CDK14: variants seen among roughly 807,000 people sequenced by gnomAD.
CDK14 encodes cyclin dependent kinase 14.
Under a neutral mutation model 60.7 loss-of-function variants are expected in CDK14, and 34 were observed. The ratio of observed to expected loss-of-function variants is 0.56; its 90% CI spans 0.43 to 0.75. The LOEUF (loss-of-function observed/expected upper bound fraction) is 0.75, where lower values mean the gene tolerates loss of function less well. Ranked by LOEUF, CDK14 falls within the 30% of genes least tolerant of loss-of-function variation. The pLI is 0.00. For synonymous variants in CDK14, 197 were observed against 203.7 expected (o/e 0.97, Z 0.28); for missense variants, 482 against 564.1 (o/e 0.85, Z 1.47).
chr7:90,889,088 GTTTA>G (rs1446378204), intron 6 of CDK14, among the ~76,000 whole-genome samples: 1 of 152,054 alleles, frequency 6.6e-6, no homozygotes, highest in Non-Finnish European at 1.5e-5. Context: ...TATACACTGA[GTTTA>G]TTTAGTTTAC....
chr7:91,020,510 G>T (rs1304594161), intron 10 of CDK14, among the ~76,000 whole-genome samples: 1 of 152,214 alleles, frequency 6.6e-6, no homozygotes, highest in East Asian at 1.9e-4. Flanking sequence ...ATGCATGCAT[G>T]AGTATATAAT....
intron 5 of CDK14, among the ~76,000 whole-genome samples, chr7:90,816,585 C>A (rs1353258770): frequency 6.6e-6 from 1 of 152,130 alleles, no homozygotes; most frequent in East Asian, 1.9e-4. Flanking sequence ...AAGAAAATGT[C>A]ATCCTGGGAA....
intron 14 of CDK14, among the ~76,000 whole-genome samples, chr7:91,195,768 C>T (rs1802516019): frequency 6.6e-6 from 1 of 152,166 alleles, no homozygotes; most frequent in Non-Finnish European, 1.5e-5. Context: ...GTATGACTGC[C>T]CTTGGGTTGG....
At chr7:90,750,574 A>G (rs1276601200) in intron 4 of CDK14, among the ~76,000 whole-genome samples, 1 of 152,210 alleles carries the variant, frequency 6.6e-6, no homozygotes, top group Non-Finnish European at 1.5e-5. Flanking sequence ...TCACTTAAGG[A>G]ATTTCAATAC....
intron 8 of CDK14, among the ~76,000 whole-genome samples, chr7:90,921,894 G>A (rs921757854): frequency 2.6e-5 from 4 of 152,130 alleles, no homozygotes; most frequent in Admixed American, 1.3e-4. Context: ...GGAAATCATT[G>A]TAAATCATGT....
chr7:90,809,548 C>G (rs1257947716), intron 5 of CDK14, among the ~76,000 whole-genome samples: 1 of 152,052 alleles, frequency 6.6e-6, no homozygotes, highest in African/African-American at 2.4e-5. Context: ...ACCCTAACAT[C>G]ACAAATTAAA....
chr7:90,880,948 C>G lies in CDK14; in HGVS notation c.639+17679C>G, dbSNP rs183165839. On this transcript the variant is annotated intron_variant, in intron 6 of 14. Coordinates refer to ENST00000380050, the MANE Select transcript of CDK14 (RefSeq NM_001287135.2). ...AACCCCATTCAAGGTTCAGCAGCCTCGAAGATGAAAACTGGACAAACTCAT... is the reference window on the plus strand; with the variant it reads ...AACCCCATTCAAGGTTCAGCAGCCTGGAAGATGAAAACTGGACAAACTCAT... Among the ~76,000 whole-genome samples the G allele has an allele frequency of 1.1e-3, 169 of 152,180 alleles. 1 individual carries two copies. The highest frequency in any genetic ancestry group is 3.9e-3 in the African/African-American group (160 of 41,516).
chr7:90,710,521 A>G lies in CDK14; in HGVS notation c.124-16046A>G, dbSNP rs1385049810. On this transcript the variant is annotated intron_variant, in intron 2 of 14. Coordinates refer to ENST00000380050, the MANE Select transcript of CDK14 (RefSeq NM_001287135.2). Reference sequence around the variant, plus strand: ...ATCCTATTTCCTTCCTTTTTGGATCACAGAAATACACCTGCTTTAAGTGTG... The same window carrying G: ...ATCCTATTTCCTTCCTTTTTGGATCGCAGAAATACACCTGCTTTAAGTGTG... The G allele has an allele frequency of 3.0e-6, 3 of 985,170 alleles. No individual in the cohort carries two copies. In the Admixed American group the frequency reaches 1.8e-4, roughly 61 times the overall value. The allele number at this position is 985,170 out of a possible 1,614,324, so 61.0% of individuals were successfully genotyped here. A position where few individuals can be genotyped will look rare whatever the true frequency, so the allele number is the denominator to read the frequency against.
intron 5 of CDK14, among the ~76,000 whole-genome samples, chr7:90,821,756 A>G (rs545472860): frequency 6.6e-5 from 10 of 152,300 alleles, no homozygotes; most frequent in Admixed American, 3.9e-4. Flanking sequence ...AAATGTTACT[A>G]TTAGACTTCC....
chr7:90,876,704 G>A (rs1472747912), intron 6 of CDK14, among the ~76,000 whole-genome samples: 1 of 152,186 alleles, frequency 6.6e-6, no homozygotes, highest in African/African-American at 2.4e-5. Flanking sequence ...ATACAAGGTA[G>A]ATCCATATGT....
At chr7:91,167,065 CCCCCTAAA>C (rs1367088205) in intron 14 of CDK14, among the ~76,000 whole-genome samples, 1 of 151,578 alleles carries the variant, frequency 6.6e-6, no homozygotes, top group African/African-American at 2.4e-5. Context: ...TATTTTAAAT[CCCCCTAAA>C]AGGTCACTGG....
At chr7:91,143,948 G>T (rs1242433976) in intron 14 of CDK14, among the ~76,000 whole-genome samples, 2 of 152,050 alleles carry the variant, frequency 1.3e-5, no homozygotes, top group Non-Finnish European at 2.9e-5. Context: ...GCTAGAAAGA[G>T]GTCATGTTGT....
chr7:91,039,736 C>G (rs956063021), intron 10 of CDK14, among the ~76,000 whole-genome samples: 48 of 152,096 alleles, frequency 3.2e-4, no homozygotes, highest in Admixed American at 3.1e-3. Flanking sequence ...TTTCCCCTTC[C>G]CCTTAATATA....
chr7:90,878,054 A>AT (rs112897494), intron 6 of CDK14, among the ~76,000 whole-genome samples: 2,926 of 151,030 alleles, frequency 0.019, 118 homozygotes, highest in African/African-American at 0.067. Flanking sequence ...GAATAGATGC[A>AT]TTGGACACAT....
intron 10 of CDK14, among the ~76,000 whole-genome samples, chr7:90,999,585 T>C (rs1463041202): frequency 6.6e-6 from 1 of 152,034 alleles, no homozygotes; most frequent in Non-Finnish European, 1.5e-5. Flanking sequence ...CGAGACTCTG[T>C]CACAAAACAA....
intron 14 of CDK14, among the ~76,000 whole-genome samples, chr7:91,181,687 T>C (rs1802006894): frequency 6.6e-6 from 1 of 152,208 alleles, no homozygotes; most frequent in Admixed American, 6.5e-5. Context: ...AGTTTCCTAA[T>C]ATCCTCCAAA....
At chr7:90,693,653 C>T (rs2116592574) in intron 2 of CDK14, among the ~76,000 whole-genome samples, 1 of 152,284 alleles carries the variant, frequency 6.6e-6, no homozygotes, top group Non-Finnish European at 1.5e-5. Context: ...TCATTGGCCT[C>T]AGTGGATTCT....
chr7:90,756,575 C>A (rs545646213), intron 4 of CDK14, among the ~76,000 whole-genome samples: 1 of 152,310 alleles, frequency 6.6e-6, no homozygotes, highest in African/African-American at 2.4e-5. Flanking sequence ...TGCCTAGTTA[C>A]CTGCTTTAAG....
chr7:90,626,406 G>C (rs1320389603), intron 2 of CDK14, among the ~76,000 whole-genome samples: 1 of 152,176 alleles, frequency 6.6e-6, no homozygotes, highest in Non-Finnish European at 1.5e-5. Flanking sequence ...TTGTTAAAAT[G>C]AAGAGATCAA....
Sources: allele counts gnomAD v4.1 joint callset (sites outside exome capture counted in the v4.1 genomes callset), GRCh38; gene constraint gnomAD v4.1.1; transcripts MANE v1.5; gene names NCBI Gene and HGNC (gene_info 2026-07-23, HGNC 2026-07-21).